DCTN6: variants seen among roughly 807,000 people sequenced by gnomAD.
DCTN6 encodes the protein dynactin 6.
DCTN6 carries 15 observed loss-of-function variants against 25.8 expected under a neutral mutation model. That is an observed-to-expected ratio of 0.58 (90% CI 0.39 to 0.89). The LOEUF (loss-of-function observed/expected upper bound fraction) is 0.89. DCTN6 is among the 40% of genes least tolerant of loss of function. The pLI, the probability that DCTN6 is intolerant of heterozygous loss-of-function variation, is 0.00. For synonymous variants in DCTN6, 64 were observed against 78.3 expected (o/e 0.82, Z 0.96); for missense variants, 198 against 237.6 (o/e 0.83, Z 1.09).
intron 2 of DCTN6, among the ~76,000 whole-genome samples, chr8:30,171,935 C>T (rs572426073): frequency 2.0e-5 from 3 of 152,236 alleles, no homozygotes; most frequent in Admixed American, 2.0e-4. Flanking sequence ...AGCACATCAC[C>T]TTTAGTGATA....
Position 30,179,388 on chromosome 8 carries a change from T to C in DCTN6, c.284-20T>C, listed in dbSNP as rs1803884326. On this transcript the variant is annotated intron_variant, in intron 4 of 6. Transcript: ENST00000221114. ...TAAAGATGAACATATTTGTAGTATT[T>C]ACCTAACTCTGGCTTACAGATTCCC... 6.2e-7 allele frequency: 1 copy of C among 1,602,718 alleles called. No individual in the cohort carries two copies. Among genetic ancestry groups the C allele is most frequent in the African/African-American group, 1.3e-5 (1 of 74,694 alleles).
intron 1 of DCTN6, 103 bp downstream of exon 1, chr8:30,156,509 C>A: frequency 7.2e-7 from 1 of 1,386,968 alleles, no homozygotes; most frequent in Non-Finnish European, 1.0e-6. Flanking sequence ...TCATCCTGGG[C>A]ATTCGGGCCG....
At chr8:30,176,017 T>C (rs1803827608) in intron 3 of DCTN6, among the ~76,000 whole-genome samples, 1 of 152,242 alleles carries the variant, frequency 6.6e-6, no homozygotes, top group Admixed American at 6.5e-5. Flanking sequence ...GTCCACCTCT[T>C]AGAACACAAA....
intron 1 of DCTN6, among the ~76,000 whole-genome samples, chr8:30,163,228 C>T (rs1233668960): frequency 5.3e-5 from 8 of 152,052 alleles, no homozygotes; most frequent in Non-Finnish European, 1.2e-4. Flanking sequence ...ACCTGGGAGG[C>T]AGAGGTTGCA....
At chr8:30,175,014 C>G in intron 2 of DCTN6, 71 bp from the exon 3 acceptor site, 2 of 1,443,956 alleles carry the variant, frequency 1.4e-6, no homozygotes, top group South Asian at 2.4e-5. Flanking sequence ...CACCCATCCT[C>G]AGTCACCTTC....
At chr8:30,179,504 T>C in intron 5 of DCTN6, 49 bp downstream of exon 5, 1 of 1,527,058 alleles carries the variant, frequency 6.5e-7, no homozygotes, top group Non-Finnish European at 9.0e-7. Context: ...CTCTTTTCTC[T>C]TTGTGGTGTC....
chr8:30,160,148 A>G (rs906811802), intron 1 of DCTN6, among the ~76,000 whole-genome samples: 1 of 152,034 alleles, frequency 6.6e-6, no homozygotes, highest in African/African-American at 2.4e-5. Flanking sequence ...TCTGTAGTTG[A>G]TATGGTTTGG....
intron 5 of DCTN6, 38 bp downstream of exon 5, chr8:30,179,493 C>T (rs370211567): frequency 6.4e-7 from 1 of 1,565,984 alleles, no homozygotes; most frequent in East Asian, 2.3e-5. Context: ...AAAGCAGTGA[C>T]CTCTTTTCTC....
intron 2 of DCTN6, among the ~76,000 whole-genome samples, chr8:30,168,106 T>A (rs1315787592): frequency 6.6e-6 from 1 of 152,164 alleles, no homozygotes; most frequent in African/African-American, 2.4e-5. Context: ...AACAAGAAAA[T>A]TTTTGCTCAA....
chr8:30,183,095 T>C lies in DCTN6; in HGVS notation c.495T>C (p.Asp165=). 1 of 1,614,054 alleles carries C rather than the reference T, an allele frequency of 6.2e-7. No individual in the cohort carries two copies. The highest frequency in any genetic ancestry group is 1.7e-4 in the Middle Eastern group (1 of 6,056). Reference sequence around the variant, plus strand: ...TTTAGCCCCAGACACTACAGCTGGATTTCTTGATGAAAATCTTGCCAAATT... The same window carrying C: ...TTTAGCCCCAGACACTACAGCTGGACTTCTTGATGAAAATCTTGCCAAATT... The part of the protein sequence containing the change: ...ERPQPQTLQL[D]FLMKILPNYH... The change falls in exon 7 of 7, where the codon GAT becomes GAC. Residue 165 remains aspartate (D), a synonymous_variant. Transcript: ENST00000221114.
chr8:30,180,756 T>A (rs1283108512), intron 6 of DCTN6, 126 bp downstream of exon 6: 5 of 1,153,354 alleles, frequency 4.3e-6, no homozygotes, highest in Non-Finnish European at 4.7e-6. Flanking sequence ...AAGATGCCAG[T>A]CTCAGTGACT....
chr8:30,164,092 T>G lies in DCTN6; in HGVS notation c.24-19T>G. 6.2e-7 allele frequency: 1 copy of G among 1,607,708 alleles called. No homozygotes were observed. Among genetic ancestry groups the G allele is most frequent in the South Asian group, 1.1e-5 (1 of 90,900 alleles). On this transcript the variant is annotated intron_variant, in intron 1 of 6. Transcript: ENST00000221114. The stretch of plus-strand genomic sequence containing the variant: ...GTTTAATCTTACCCCTGGTAAATGT[T>G]ACCTTTTTCTTGCTACAGTGTGAAG...
At chr8:30,169,684 C>T (rs944497425) in intron 2 of DCTN6, among the ~76,000 whole-genome samples, 7 of 152,128 alleles carry the variant, frequency 4.6e-5, no homozygotes, top group Non-Finnish European at 1.0e-4. Flanking sequence ...GAATTCAGAC[C>T]TGATCTAGGT....
chr8:30,181,968 T>C (rs768172982), intron 6 of DCTN6, among the ~76,000 whole-genome samples: 1 of 152,198 alleles, frequency 6.6e-6, no homozygotes. Flanking sequence ...TGGGTTACTC[T>C]ATTTCTGTAA....
chr8:30,159,117 G>A (rs1803565599), intron 1 of DCTN6, among the ~76,000 whole-genome samples: 1 of 152,116 alleles, frequency 6.6e-6, no homozygotes, highest in South Asian at 2.1e-4. Context: ...CACCCAGAAG[G>A]ACCATTGGTA....
chr8:30,176,393 G>A (rs1023688310), intron 3 of DCTN6, among the ~76,000 whole-genome samples: 5 of 152,052 alleles, frequency 3.3e-5, no homozygotes, highest in East Asian at 1.9e-4. Context: ...TTAGCCGGGC[G>A]TGGTGGCACC....
At chr8:30,163,707 T>C (rs1306624101) in intron 1 of DCTN6, among the ~76,000 whole-genome samples, 6 of 151,804 alleles carry the variant, frequency 4.0e-5, no homozygotes, top group Admixed American at 2.0e-4. Flanking sequence ...ATCTTTTTTT[T>C]TTTTTTTTTC....
intron 1 of DCTN6, among the ~76,000 whole-genome samples, chr8:30,161,020 T>C (rs1393933179): frequency 6.6e-6 from 1 of 152,232 alleles, no homozygotes. Context: ...GGTTTGGCCC[T>C]GTGTCCCCAT....
chr8:30,180,689 A>T (rs2117601175), intron 6 of DCTN6, 59 bp downstream of exon 6: 1 of 1,571,954 alleles, frequency 6.4e-7, no homozygotes, highest in African/African-American at 1.4e-5. Context: ...AATACAATGT[A>T]ATTGTCTTCA....
Sources: gnomAD v4.1 joint callset for allele counts (sites outside exome capture counted in the v4.1 genomes callset) on GRCh38, gnomAD v4.1.1 for gene constraint, MANE v1.5 for transcripts, NCBI Gene and HGNC (gene_info 2026-07-23, HGNC 2026-07-21) for gene names.